ZC3H12A: variants seen among roughly 807,000 people sequenced by gnomAD.
The protein encoded by ZC3H12A is endoribonuclease ZC3H12A.
Under a neutral mutation model 29.9 loss-of-function variants are expected in ZC3H12A, and 9 were observed. The ratio of observed to expected loss-of-function variants is 0.30; its 90% CI spans 0.18 to 0.53. The LOEUF (loss-of-function observed/expected upper bound fraction) is 0.53. Among genes scored for constraint, ZC3H12A ranks in the 20% least tolerant of loss-of-function variants. The pLI is 0.96. For synonymous variants in ZC3H12A, 323 were observed against 338.1 expected (o/e 0.96, Z 0.49); for missense variants, 617 against 799.0 (o/e 0.77, Z 2.75).
At position 37,482,974 on chromosome 1, in the gene ZC3H12A, G is replaced by A; in HGVS notation, c.1163G>A (p.Gly388Glu). 6.2e-7 allele frequency: 1 copy of A among 1,612,050 alleles called. No individual in the cohort carries two copies. The highest frequency in any genetic ancestry group is 1.1e-5 in the South Asian group (1 of 90,956). Residue 388 changes from glycine (G) to glutamate (E), a missense_variant, in exon 6 of 6, where the codon GGG (glycine) becomes GAG (glutamate). Around this residue, in one of 5 missense-constraint regions of ZC3H12A, gnomAD observed 115 missense variants for 112.5 expected, o/e 1.02. Coordinates refer to ENST00000373087, the MANE Select transcript of ZC3H12A (RefSeq NM_025079.3). ...GKKLGAQASPGSRQEGLTQTY... is the reference protein window; with the variant it reads ...GKKLGAQASPESRQEGLTQTY... ...AAGCTGGGGGCCCAGGCATCCCCAG[G>A]GTCCCGCCAAGAGGGTCTAACACAG...
In ZC3H12A at chr1:37,479,544, G is replaced by A. The variant is rs1363792275; in HGVS notation, c.444-746G>A. On this transcript the variant is annotated intron_variant, in intron 2 of 5. Coordinates refer to ENST00000373087, the MANE Select transcript of ZC3H12A (RefSeq NM_025079.3). This position sits in a 1 kb window ranked among gnomAD's most constrained non-coding sequence, Gnocchi z 4.5. ...CTTCCTGATGGTCTTTCTGCCTTGG[G>A]GTGAAGAGGCATTTGGGGGAATTGC... is the stretch of plus-strand genomic sequence containing the variant. The A allele has an allele frequency of 2.3e-5, 23 of 985,316 alleles. No homozygotes were observed. The highest frequency in any genetic ancestry group is 3.5e-5 in the African/African-American group (2 of 57,234). The allele number at this position is 985,316 out of a possible 1,614,324, so 61.0% of individuals were successfully genotyped here.
At chr1:37,480,638 C>T (rs958190722) in intron 3 of ZC3H12A, among the ~76,000 whole-genome samples, 6 of 152,240 alleles carry the variant, frequency 3.9e-5, no homozygotes, top group Non-Finnish European at 5.9e-5. Context: ...AGATCTGGAG[C>T]CCCTCCCTCA....
In ZC3H12A at chr1:37,475,338, C is replaced by T. The variant is rs1641560224; in HGVS notation, c.-38-121C>T. 3.8e-6 allele frequency: 3 copies of T among 784,254 alleles called. No individual in the cohort carries two copies. Among genetic ancestry groups the T allele is most frequent in the Non-Finnish European group, 6.1e-6 (3 of 491,934 alleles). 48.6% of individuals were successfully genotyped at this position (784,254 alleles called of 1,614,324 possible). A position where few individuals can be genotyped will look rare whatever the true frequency, so the allele number is the denominator to read the frequency against. On this transcript the variant is annotated intron_variant, in intron 1 of 5. Transcript: ENST00000373087. This position sits in a 1 kb window ranked among gnomAD's most constrained non-coding sequence, Gnocchi z 5.2. The stretch of plus-strand genomic sequence containing the variant: ...CTGGGAGAGCTTTTGAGAGGACAAC[C>T]TGAACTAATAACACGATGCAGTGTG...
chr1:37,483,154 C>A lies in ZC3H12A; in HGVS notation c.1343C>A (p.Ser448Ter). 6.2e-7 allele frequency: 1 copy of A among 1,613,510 alleles called. No homozygotes were observed. The highest frequency in any genetic ancestry group is 8.5e-7 in the Non-Finnish European group (1 of 1,179,932). The change falls in exon 6 of 6, where the codon TCG becomes TAG. Residue 448 changes from serine to a stop codon, truncating the protein, a stop_gained. Transcript: ENST00000373087. LOFTEE classifies it low-confidence loss of function (END_TRUNC). Reference protein sequence around the residue: ...SGIGSLESQMSELWGVRGGGP... With the variant: ...SGIGSLESQM The stretch of plus-strand genomic sequence containing the variant: ...ATTGGCTCCCTGGAGAGCCAGATGT[C>A]GGAACTTTGGGGGGTTCGAGGAGGA...
In ZC3H12A at chr1:37,475,406, G is replaced by A. The variant is rs1641561963; in HGVS notation, c.-38-53G>A. On this transcript the variant is annotated intron_variant, in intron 1 of 5. Coordinates refer to ENST00000373087, the MANE Select transcript of ZC3H12A (RefSeq NM_025079.3). The surrounding 1 kb of genome is among the most constrained non-coding windows in gnomAD (Gnocchi z 5.2). ...CATCCTGCTGGATGTGGTTTTGGGA[G>A]GGAGGTTAGGAGAGAGCGCTATTCA... is the stretch of plus-strand genomic sequence containing the variant. 7.3e-7 allele frequency: 1 copy of A among 1,379,252 alleles called. No individual in the cohort carries two copies. The highest frequency in any genetic ancestry group is 9.8e-7 in the Non-Finnish European group (1 of 1,019,932). The allele number at this position is 1,379,252 out of a possible 1,614,324, so 85.4% of individuals were successfully genotyped here. A position where few individuals can be genotyped will look rare whatever the true frequency, so the allele number is the denominator to read the frequency against.
intron 3 of ZC3H12A, 65 bp downstream of exon 3, chr1:37,480,494 A>G: frequency 1.9e-6 from 3 of 1,559,522 alleles, no homozygotes; most frequent in Non-Finnish European, 2.6e-6. Context: ...TCCCCAAGAG[A>G]GACCCTCTGG....
rs1641649962 is a variant in ZC3H12A, at chr1:37,479,175, T to TG, written c.444-1111dup. The TG allele has an allele frequency of 1.0e-6, 1 of 985,342 alleles. No homozygotes were observed. The highest frequency in any genetic ancestry group is 1.7e-5 in the African/African-American group (1 of 57,248). 61.0% of individuals were successfully genotyped at this position (985,342 alleles called of 1,614,324 possible). A position where few individuals can be genotyped will look rare whatever the true frequency, so the allele number is the denominator to read the frequency against. The stretch of plus-strand genomic sequence containing the variant: ...TGTTCACTGAGGGGGCAGTGAGACG[T>TG]GGGGCTGCTGGTCCTAGGAGCTCTT... On this transcript the variant is annotated intron_variant, in intron 2 of 5. Transcript: ENST00000373087. This position sits in a 1 kb window ranked among gnomAD's most constrained non-coding sequence, Gnocchi z 4.5.
In ZC3H12A at chr1:37,479,522, C is replaced by T; in HGVS notation, c.444-768C>T. The T allele has an allele frequency of 1.0e-6, 1 of 985,444 alleles. No homozygotes were observed. The highest frequency in any genetic ancestry group is 1.2e-6 in the Non-Finnish European group (1 of 829,932). The allele number at this position is 985,444 out of a possible 1,614,324, so 61.0% of individuals were successfully genotyped here. On this transcript the variant is annotated intron_variant, in intron 2 of 5. Transcript: ENST00000373087. The surrounding 1 kb of genome is among the most constrained non-coding windows in gnomAD (Gnocchi z 4.5). ...CTTGCTAAGAGTCCCCTAGCATCTT[C>T]CTGATGGTCTTTCTGCCTTGGGGTG...
At position 37,483,467 on chromosome 1, in the gene ZC3H12A, G is replaced by A. The variant is rs1557596860; in HGVS notation, c.1656G>A (p.Glu552=). 6.2e-7 allele frequency: 1 copy of A among 1,614,026 alleles called. No homozygotes were observed. Among genetic ancestry groups the A allele is most frequent in the Non-Finnish European group, 8.5e-7 (1 of 1,179,950 alleles). The change falls in exon 6 of 6, where the codon GAG becomes GAA. Residue 552 remains glutamate, a synonymous_variant. Coordinates refer to ENST00000373087, the MANE Select transcript of ZC3H12A (RefSeq NM_025079.3). ...PWGRAGSLAK[E]QASVYTKLCG... ...GCAGGGCAGGCAGCCTGGCCAAGGAGCAGGCCAGCGTGTATACTAAGCTGT... is the reference window on the plus strand; with the variant it reads ...GCAGGGCAGGCAGCCTGGCCAAGGAACAGGCCAGCGTGTATACTAAGCTGT...
In ZC3H12A at chr1:37,478,976, C is replaced by A; in HGVS notation, c.444-1314C>A. The A allele has an allele frequency of 2.0e-6, 2 of 985,336 alleles. No homozygotes were observed. The highest frequency in any genetic ancestry group is 2.4e-6 in the Non-Finnish European group (2 of 829,900). The allele number at this position is 985,336 out of a possible 1,614,324, so 61.0% of individuals were successfully genotyped here. ...TGCCCCAGTCTTGCCCCCAAATAGC[C>A]TCCATGGCCCCCAGCTGCCCCACCT... On this transcript the variant is annotated intron_variant, in intron 2 of 5. Transcript: ENST00000373087. This position sits in a 1 kb window ranked among gnomAD's most constrained non-coding sequence, Gnocchi z 5.2.
At position 37,480,293 on chromosome 1, in the gene ZC3H12A, T is replaced by C; in HGVS notation, c.447T>C (p.His149=). The change falls in exon 3 of 6, where the codon CAT becomes CAC. Residue 149 remains histidine, a synonymous_variant. Transcript: ENST00000373087. ...AACCCTGTCCTCTCCCTCCCAGCCA[T>C]GGGAACAAGGAGGTCTTCTCCTGCC... The part of the protein sequence containing the change: ...VIDGSNVAMS[H]GNKEVFSCRG... 1 of 1,612,964 alleles carries C rather than the reference T, an allele frequency of 6.2e-7. No individual in the cohort carries two copies. Among genetic ancestry groups the C allele is most frequent in the Non-Finnish European group, 8.5e-7 (1 of 1,179,300 alleles).
rs1375094573 is a variant in ZC3H12A at position 37,478,510 on chromosome 1, A to T, written c.444-1780A>T. ...TTTCCTTCACGGTAGCAAGCCCTAT[A>T]AGAATGAAGCCATATATCTGGCCAC... On this transcript the variant is annotated intron_variant, in intron 2 of 5. Transcript: ENST00000373087. This position sits in a 1 kb window ranked among gnomAD's most constrained non-coding sequence, Gnocchi z 5.2. Among the ~76,000 whole-genome samples, 1 of 152,160 alleles carries T rather than the reference A, an allele frequency of 6.6e-6. No homozygotes were observed. The highest frequency in any genetic ancestry group is 2.4e-5 in the African/African-American group (1 of 41,404).
At chr1:37,480,778 G>A (rs907787364) in intron 3 of ZC3H12A, among the ~76,000 whole-genome samples, 2 of 152,194 alleles carry the variant, frequency 1.3e-5, no homozygotes, top group South Asian at 2.1e-4. Context: ...CCCTCTTGGC[G>A]CCCTGGCCTG....
Position 37,478,991 on chromosome 1 carries a change from C to G in ZC3H12A, c.444-1299C>G. ...CCCAAATAGCCTCCATGGCCCCCAGCTGCCCCACCTCCCTCCCTAGCTTCT... is the reference window on the plus strand; with the variant it reads ...CCCAAATAGCCTCCATGGCCCCCAGGTGCCCCACCTCCCTCCCTAGCTTCT... On this transcript the variant is annotated intron_variant, in intron 2 of 5. Coordinates refer to ENST00000373087, the MANE Select transcript of ZC3H12A (RefSeq NM_025079.3). The surrounding 1 kb of genome is among the most constrained non-coding windows in gnomAD (Gnocchi z 5.2). 1.0e-6 allele frequency: 1 copy of G among 985,290 alleles called. No individual in the cohort carries two copies. Among genetic ancestry groups the G allele is most frequent in the Non-Finnish European group, 1.2e-6 (1 of 829,892 alleles). 61.0% of individuals were successfully genotyped at this position (985,290 alleles called of 1,614,324 possible). A position where few individuals can be genotyped will look rare whatever the true frequency, so the allele number is the denominator to read the frequency against.
In ZC3H12A at chr1:37,483,156, G is replaced by T. The variant is rs765538707; in HGVS notation, c.1345G>T (p.Glu449Ter). 1 of 1,613,568 alleles carries T rather than the reference G, an allele frequency of 6.2e-7. No homozygotes were observed. The highest frequency in any genetic ancestry group is 8.5e-7 in the Non-Finnish European group (1 of 1,179,942). Residue 449 changes from glutamate to a stop codon, truncating the protein, a stop_gained, in exon 6 of 6, where the codon GAA becomes TAA. Coordinates refer to ENST00000373087, the MANE Select transcript of ZC3H12A (RefSeq NM_025079.3). LOFTEE classifies it low-confidence loss of function (END_TRUNC). ...GIGSLESQMS[E>*]LWGVRGGGPG... ...TGGCTCCCTGGAGAGCCAGATGTCG[G>T]AACTTTGGGGGGTTCGAGGAGGAGG...
intron 4 of ZC3H12A, 30 bp downstream of exon 4, chr1:37,481,865 C>G (rs767068935): frequency 2.5e-6 from 4 of 1,596,240 alleles, no homozygotes; most frequent in Non-Finnish European, 3.4e-6. Flanking sequence ...CCCTGACAGA[C>G]TTGGGGTCCA....
rs1489045885 is a variant in ZC3H12A at position 37,475,729 on chromosome 1, C to G, written c.233C>G (p.Thr78Ser). 6.2e-7 allele frequency: 1 copy of G among 1,613,906 alleles called. No individual in the cohort carries two copies. The highest frequency in any genetic ancestry group is 8.5e-7 in the Non-Finnish European group (1 of 1,180,050). The change falls in exon 2 of 6, where the codon ACC (threonine) becomes AGC (serine). Residue 78 changes from threonine (T) to serine (S), a missense_variant. By Grantham distance (58) the Thr-to-Ser change is moderately conservative. Transcript: ENST00000373087. This position sits in a 1 kb window ranked among gnomAD's most constrained non-coding sequence, Gnocchi z 5.2. Reference sequence around the variant, plus strand: ...CAGAAGCTGGGCGTCCAGGCAGACACCAACACGGTGCTGGGTGAGCTGGTG... The same window carrying G: ...CAGAAGCTGGGCGTCCAGGCAGACAGCAACACGGTGCTGGGTGAGCTGGTG... ...VLQKLGVQAD[T>S]NTVLGELVKH...
At position 37,479,658 on chromosome 1, in the gene ZC3H12A, C is replaced by A; in HGVS notation, c.444-632C>A. On this transcript the variant is annotated intron_variant, in intron 2 of 5. Coordinates refer to ENST00000373087, the MANE Select transcript of ZC3H12A (RefSeq NM_025079.3). The surrounding 1 kb of genome is among the most constrained non-coding windows in gnomAD (Gnocchi z 4.5). Reference sequence around the variant, plus strand: ...TCACTCCGGCGCTTTCTGTCCCATGCTGAAGGCTGGAGTCGCCAGCCCCTT... The same window carrying A: ...TCACTCCGGCGCTTTCTGTCCCATGATGAAGGCTGGAGTCGCCAGCCCCTT... The A allele has an allele frequency of 1.0e-6, 1 of 985,430 alleles. No homozygotes were observed. Among genetic ancestry groups the A allele is most frequent in the Non-Finnish European group, 1.2e-6 (1 of 829,928 alleles). 61.0% of individuals were successfully genotyped at this position (985,430 alleles called of 1,614,324 possible).
At chr1:37,480,138 G>A in intron 2 of ZC3H12A, 152 bp from the exon 3 acceptor site, 1 of 1,365,500 alleles carries the variant, frequency 7.3e-7, no homozygotes, top group East Asian at 2.6e-5. Flanking sequence ...GAAAGGGGAA[G>A]GGGCTGGTGA....
Sources: gnomAD v4.1 joint callset for allele counts (sites outside exome capture counted in the v4.1 genomes callset) on GRCh38, gnomAD v4.1.1 for gene constraint, gnomAD v4.1.1 regional missense constraint, Gnocchi (gnomAD v3.1) non-coding constraint, MANE v1.5 for transcripts, NCBI Gene and HGNC (gene_info 2026-07-23, HGNC 2026-07-21) for gene names.